Variants in PAPPA observed in about 807,000 individuals in gnomAD.
The protein encoded by PAPPA is pappalysin-1.
In PAPPA, 60 loss-of-function variants were observed where a neutral mutation model predicts 164.0. The ratio of observed to expected loss-of-function variants is 0.37; its 90% CI spans 0.30 to 0.45. The LOEUF (loss-of-function observed/expected upper bound fraction) is 0.45, where lower values mean the gene tolerates loss of function less well. Ranked by LOEUF, PAPPA falls within the 20% of genes least tolerant of loss-of-function variation. PAPPA has a pLI of 1.00. For missense variants in PAPPA, 1,782 were observed against 2,087.3 expected (o/e 0.85, Z 2.85); for synonymous variants, 875 against 814.1 (o/e 1.07, Z -1.27).
chr9:116,293,426 C>G (rs1051846125), intron 9 of PAPPA, among the ~76,000 whole-genome samples: 6 of 152,288 alleles, frequency 3.9e-5, no homozygotes, highest in Non-Finnish European at 8.8e-5. Flanking sequence ...TGAGAGATGT[C>G]ATGGAGCTGA....
intron 14 of PAPPA, 25 bp downstream of exon 14, chr9:116,344,736 G>A: frequency 6.3e-7 from 1 of 1,599,002 alleles, no homozygotes; most frequent in Non-Finnish European, 8.6e-7. Flanking sequence ...TGAGCTCAGA[G>A]CCTCTCTGCA....
chr9:116,325,791 A>C (rs1373851590), intron 10 of PAPPA, among the ~76,000 whole-genome samples: 1 of 152,224 alleles, frequency 6.6e-6, no homozygotes, highest in African/African-American at 2.4e-5. Flanking sequence ...GGTTCTACAC[A>C]GCAAAAAATA....
intron 7 of PAPPA, among the ~76,000 whole-genome samples, chr9:116,260,564 A>G (rs1461461150): frequency 1.3e-5 from 2 of 150,850 alleles, no homozygotes; most frequent in African/African-American, 4.9e-5. Context: ...AACTCAGACA[A>G]TCTGGGTGGT....
At chr9:116,303,218 G>T (rs1292824150) in intron 10 of PAPPA, among the ~76,000 whole-genome samples, 1 of 152,106 alleles carries the variant, frequency 6.6e-6, no homozygotes, top group Non-Finnish European at 1.5e-5. Flanking sequence ...ACTCCATTTT[G>T]CATATATCAT....
At chr9:116,322,026 A>C (rs1283771787) in intron 10 of PAPPA, among the ~76,000 whole-genome samples, 1 of 152,244 alleles carries the variant, frequency 6.6e-6, no homozygotes, top group Non-Finnish European at 1.5e-5. Flanking sequence ...CAAACCTCAG[A>C]GTCCTTATAT....
intron 18 of PAPPA, among the ~76,000 whole-genome samples, chr9:116,364,088 A>C (rs1846467225): frequency 6.6e-6 from 1 of 152,204 alleles, no homozygotes; most frequent in African/African-American, 2.4e-5. Flanking sequence ...GCATTCTAGA[A>C]GGTTGGGCAA....
intron 17 of PAPPA, among the ~76,000 whole-genome samples, chr9:116,361,950 A>G (rs1846432387): frequency 6.6e-6 from 1 of 152,206 alleles, no homozygotes; most frequent in Non-Finnish European, 1.5e-5. Flanking sequence ...CCCTATTTTA[A>G]AGAATTGGGA....
At position 116,396,441 on chromosome 9, in the gene PAPPA, C is replaced by T. The variant is rs147090477; in HGVS notation, c.4777-68C>T. The stretch of plus-strand genomic sequence containing the variant: ...CTCAAATCCAGTGATTGTATCCCTG[C>T]GCTGCACTGCCTTTCTGATCATTAC... On this transcript the variant is annotated intron_variant, in intron 21 of 21. Coordinates refer to ENST00000328252, the MANE Select transcript of PAPPA (RefSeq NM_002581.5). 279 of 773,898 alleles carry T rather than the reference C, an allele frequency of 3.6e-4. 2 individuals carry two copies. In the African/African-American group the frequency reaches 4.2e-3, roughly 12 times the overall value. 47.9% of individuals were successfully genotyped at this position (773,898 alleles called of 1,614,324 possible).
At chr9:116,294,964 C>T (rs1015812320) in intron 9 of PAPPA, among the ~76,000 whole-genome samples, 4 of 152,172 alleles carry the variant, frequency 2.6e-5, no homozygotes, top group Non-Finnish European at 4.4e-5. Context: ...ATCCACTCAT[C>T]GTTTGGAAGG....
intron 9 of PAPPA, among the ~76,000 whole-genome samples, chr9:116,291,000 C>T (rs534291073): frequency 3.9e-5 from 6 of 152,128 alleles, no homozygotes; most frequent in South Asian, 4.1e-4. Context: ...TGGATTTTAC[C>T]GCCTCTTTCA....
chr9:116,362,256 T>TAA (rs111886942), intron 17 of PAPPA, among the ~76,000 whole-genome samples: 24,003 of 149,510 alleles, frequency 0.16, 2,036 homozygotes, highest in Non-Finnish European at 0.2. Context: ...CCTCTCAATT[T>TAA]AAAAAAAAAA....
chr9:116,286,039 A>C (rs759595013), intron 9 of PAPPA: 5 of 152,028 alleles, frequency 3.3e-5, no homozygotes, highest in Non-Finnish European at 7.4e-5. Flanking sequence ...TTCCCCCACA[A>C]AAGGGGTGGG....
At chr9:116,392,440 G>A (rs76767854) in intron 21 of PAPPA, among the ~76,000 whole-genome samples, 3 of 152,130 alleles carry the variant, frequency 2.0e-5, no homozygotes, top group African/African-American at 7.2e-5. Flanking sequence ...AATAATGATA[G>A]TCTCCCAAGG....
chr9:116,257,114 T>A (rs1844937331), intron 7 of PAPPA, among the ~76,000 whole-genome samples: 1 of 151,986 alleles, frequency 6.6e-6, no homozygotes, highest in Non-Finnish European at 1.5e-5. Flanking sequence ...TCTTATATAT[T>A]TGCCAACAGA....
At chr9:116,251,734 G>C (rs2118781145) in intron 7 of PAPPA, among the ~76,000 whole-genome samples, 1 of 152,304 alleles carries the variant, frequency 6.6e-6, no homozygotes, top group Non-Finnish European at 1.5e-5. Flanking sequence ...TAGAATGTTT[G>C]GGGAAGCTGT....
chr9:116,362,549 C>T lies in PAPPA; in HGVS notation c.4348-43C>T, dbSNP rs961307123. ...TTCAGAATAGCTTATTCAATTGGGG[C>T]TGGTGTCTCTCTTGGTCCTAACTCT... On this transcript the variant is annotated intron_variant, in intron 17 of 21. Coordinates refer to ENST00000328252, the MANE Select transcript of PAPPA (RefSeq NM_002581.5). 1.9e-6 allele frequency: 3 copies of T among 1,588,090 alleles called. No homozygotes were observed. In the African/African-American group the frequency reaches 4.0e-5, roughly 21 times the overall value.
chr9:116,396,613 C>T lies in PAPPA; in HGVS notation c.4881C>T (p.Gly1627=). The change falls in exon 22 of 22, where the codon GGC becomes GGT. Residue 1627 remains glycine (G), a synonymous_variant. Transcript: ENST00000328252. ...SRKDLRGYSH[G] ...AAGACCTCCGGGGATACAGCCATGG[C>T]TAAGGAAGGACAAGAAGTTGTCAAA... The T allele has an allele frequency of 1.3e-6, 1 of 780,524 alleles. No homozygotes were observed. Among genetic ancestry groups the T allele is most frequent in the South Asian group, 1.3e-5 (1 of 74,568 alleles). The allele number at this position is 780,524 out of a possible 1,614,324, so 48.3% of individuals were successfully genotyped here.
intron 13 of PAPPA, among the ~76,000 whole-genome samples, chr9:116,340,425 C>T (rs1846121339): frequency 6.6e-6 from 1 of 152,214 alleles, no homozygotes; most frequent in African/African-American, 2.4e-5. Context: ...GAATTCTTTC[C>T]AAGCTGAGTG....
At chr9:116,312,831 C>G (rs1200706129) in intron 10 of PAPPA, among the ~76,000 whole-genome samples, 1 of 151,956 alleles carries the variant, frequency 6.6e-6, no homozygotes, top group Non-Finnish European at 1.5e-5. Context: ...CGCCTGTAAT[C>G]CCAGCACTTT....
Sources: gnomAD v4.1 joint callset for allele counts (sites outside exome capture counted in the v4.1 genomes callset) on GRCh38, gnomAD v4.1.1 for gene constraint, MANE v1.5 for transcripts, NCBI Gene and HGNC (gene_info 2026-07-23, HGNC 2026-07-21) for gene names.